FSTL4: variants seen among roughly 807,000 people sequenced by gnomAD.
FSTL4 encodes follistatin-related protein 4.
FSTL4 carries 28 observed loss-of-function variants against 78.2 expected under a neutral mutation model. The ratio of observed to expected loss-of-function variants is 0.36; its 90% CI spans 0.27 to 0.49. The LOEUF (loss-of-function observed/expected upper bound fraction) is 0.49, where lower values mean the gene tolerates loss of function less well. FSTL4 is among the 20% of genes least tolerant of loss of function. The probability of loss-of-function intolerance (pLI) is 0.98; values close to 1 mark genes in which losing one functional copy is unlikely to be tolerated. For missense variants in FSTL4, 922 were observed against 1,084.9 expected (o/e 0.85, Z 2.11); for synonymous variants, 422 against 440.5 (o/e 0.96, Z 0.53).
At chr5:133,449,822 G>A (rs1757347031) in intron 3 of FSTL4, among the ~76,000 whole-genome samples, 1 of 152,124 alleles carries the variant, frequency 6.6e-6, no homozygotes, top group Non-Finnish European at 1.5e-5. Context: ...GCAAATGCAG[G>A]AAATTTTTTA....
rs1561629101 is a variant in FSTL4 at position 133,225,187 on chromosome 5, G to T, written c.1275C>A (p.Ile425=). 1 of 1,614,130 alleles carries T rather than the reference G, an allele frequency of 6.2e-7. No individual in the cohort carries two copies. Among genetic ancestry groups the T allele is most frequent in the Non-Finnish European group, 8.5e-7 (1 of 1,179,976 alleles). Reference sequence around the variant, plus strand: ...CTGAGTCTTCAATGAAGAGCGAGGAGATATCTTCATCCACACCCACTTCAT... The same window carrying T: ...CTGAGTCTTCAATGAAGAGCGAGGATATATCTTCATCCACACCCACTTCAT... ...AKNEVGVDED[I]SSLFIEDSAR... The change falls in exon 10 of 16, where the codon ATC becomes ATA. Residue 425 remains isoleucine (I), a synonymous_variant. Transcript: ENST00000265342. This position sits in a 1 kb window ranked among gnomAD's most constrained non-coding sequence, Gnocchi z 4.6.
At chr5:133,398,033 TC>T (rs1469669888) in intron 4 of FSTL4, among the ~76,000 whole-genome samples, 1 of 152,100 alleles carries the variant, frequency 6.6e-6, no homozygotes, top group African/African-American at 2.4e-5. Flanking sequence ...CTTTATATCC[TC>T]CTTTGTTCCA....
At chr5:133,632,477 T>G in the FSTL4 span, among the ~76,000 whole-genome samples, 3 of 152,216 alleles carry the variant, frequency 2.0e-5, no homozygotes, top group African/African-American at 7.2e-5. Flanking sequence ...AAAACTTCCT[T>G]TAGACATTCT....
the FSTL4 span, among the ~76,000 whole-genome samples, chr5:133,698,810 A>G: frequency 2.0e-4 from 31 of 152,252 alleles, no homozygotes; most frequent in Non-Finnish European, 2.9e-5. Context: ...AAGGGCTGAC[A>G]GCTACAAAAT....
At chr5:133,366,251 T>G (rs1755178623) in intron 4 of FSTL4, among the ~76,000 whole-genome samples, 1 of 152,188 alleles carries the variant, frequency 6.6e-6, no homozygotes, top group African/African-American at 2.4e-5. Context: ...AATGCAGCTC[T>G]CATCTCAAAT....
At chr5:133,375,420 A>C (rs776728066) in intron 4 of FSTL4, among the ~76,000 whole-genome samples, 1 of 150,976 alleles carries the variant, frequency 6.6e-6, no homozygotes, top group Non-Finnish European at 1.5e-5. Flanking sequence ...ATTCTCTGGA[A>C]ATAATACATA....
At position 133,331,309 on chromosome 5, in the gene FSTL4, C is replaced by T. The variant is rs1754340695; in HGVS notation, c.410-14657G>A. On this transcript the variant is annotated intron_variant, in intron 4 of 15. Transcript: ENST00000265342. ...AGGCCTGGCAGCTCATGGTGTTTTT[C>T]TCTCCTCTGTGTTGATCTTCAGCTT... Among the ~76,000 whole-genome samples the T allele has an allele frequency of 2.0e-5, 3 of 152,134 alleles. No homozygotes were observed. The South Asian group carries it at 6.2e-4, about 32-fold the overall frequency.
At chr5:133,402,391 T>C (rs1275912696) in intron 3 of FSTL4, among the ~76,000 whole-genome samples, 4 of 152,160 alleles carry the variant, frequency 2.6e-5, no homozygotes, top group Non-Finnish European at 5.9e-5. Context: ...AAGGTACAGA[T>C]GGAAAGTTGA....
intron 14 of FSTL4, 50 bp from the exon 15 acceptor site, chr5:133,202,092 G>A (rs1347120510): frequency 1.4e-5 from 17 of 1,232,972 alleles, no homozygotes; most frequent in Admixed American, 1.9e-5. Flanking sequence ...GGTGGGGGCT[G>A]AACCTGGAGA....
the FSTL4 span, among the ~76,000 whole-genome samples, chr5:133,666,238 G>C: frequency 6.6e-6 from 1 of 152,154 alleles, no homozygotes; most frequent in South Asian, 2.1e-4. Flanking sequence ...ATTTCAGTGA[G>C]CGAAGCACTT....
At chr5:133,688,362 G>A in the FSTL4 span, among the ~76,000 whole-genome samples, 6 of 152,118 alleles carry the variant, frequency 3.9e-5, no homozygotes, top group South Asian at 2.1e-4. Context: ...GTAGTGATCC[G>A]AGATCACACC....
At chr5:133,433,469 T>C (rs1196761656) in intron 3 of FSTL4, among the ~76,000 whole-genome samples, 2 of 152,232 alleles carry the variant, frequency 1.3e-5, no homozygotes, top group Non-Finnish European at 2.9e-5. Context: ...ATTTACCTTT[T>C]TCAGTTTCAA....
In FSTL4 at chr5:133,199,342, A is replaced by G. The variant is rs1315671729; in HGVS notation, c.2282T>C (p.Leu761Pro). ...IYAALHTEPD[L>P]LFLELSTGKV... ...CCCCGTGGACAGCTCCAGGAACAGC[A>G]GGTCCGGCTCCGTGTGCAGAGCCGC... Residue 761 changes from leucine (L) to proline (P), a missense_variant, in exon 16 of 16, where the codon CTG becomes CCG. Leu to Pro is a moderately conservative substitution (Grantham distance 98, BLOSUM62 -3). Transcript: ENST00000265342. This position sits in a 1 kb window ranked among gnomAD's most constrained non-coding sequence, Gnocchi z 4.4. 1 of 1,613,980 alleles carries G rather than the reference A, an allele frequency of 6.2e-7. No individual in the cohort carries two copies. The highest frequency in any genetic ancestry group is 2.2e-5 in the East Asian group (1 of 44,888).
intron 4 of FSTL4, among the ~76,000 whole-genome samples, chr5:133,355,898 G>C (rs1427043319): frequency 6.6e-6 from 1 of 152,204 alleles, no homozygotes; most frequent in Non-Finnish European, 1.5e-5. Flanking sequence ...CCCATGGGAA[G>C]ATGGATCGAG....
intron 3 of FSTL4, among the ~76,000 whole-genome samples, chr5:133,435,743 G>A (rs950686211): frequency 4.6e-5 from 7 of 152,144 alleles, no homozygotes; most frequent in African/African-American, 1.7e-4. Flanking sequence ...ATTCCTAACA[G>A]TAATCACTGA....
At chr5:133,327,591 T>C (rs1166147782) in intron 4 of FSTL4, among the ~76,000 whole-genome samples, 1 of 152,136 alleles carries the variant, frequency 6.6e-6, no homozygotes, top group Non-Finnish European at 1.5e-5. Context: ...AGCCGAGCAG[T>C]TCCTTCCAAC....
chr5:133,822,778 C>T, the FSTL4 span, among the ~76,000 whole-genome samples: 5 of 152,128 alleles, frequency 3.3e-5, no homozygotes, highest in Non-Finnish European at 5.9e-5. Flanking sequence ...CGAACTCTAA[C>T]GCCATGCAAA....
chr5:133,214,634 A>T (rs547973005), intron 13 of FSTL4, among the ~76,000 whole-genome samples: 7 of 152,344 alleles, frequency 4.6e-5, no homozygotes, highest in Admixed American at 4.6e-4. Context: ...CTCAAAAAGA[A>T]GTTCATCTAA....
the FSTL4 span, among the ~76,000 whole-genome samples, chr5:133,790,864 C>G: frequency 6.6e-6 from 1 of 152,374 alleles, no homozygotes; most frequent in South Asian, 2.1e-4. Context: ...CACCTGGAGG[C>G]AGCAGCAGCC....
Sources: allele counts gnomAD v4.1 joint callset (sites outside exome capture counted in the v4.1 genomes callset), GRCh38; gene constraint gnomAD v4.1.1; non-coding constraint Gnocchi (gnomAD v3.1); transcripts MANE v1.5; gene names NCBI Gene and HGNC (gene_info 2026-07-23, HGNC 2026-07-21).